MPP7: variants seen among roughly 807,000 people sequenced by gnomAD.
MPP7 encodes MAGUK p55 subfamily member 7.
A neutral mutation model predicts 76.5 loss-of-function variants in MPP7; 60 were observed. That is an observed-to-expected ratio of 0.78 (90% CI 0.64 to 0.97). The LOEUF (loss-of-function observed/expected upper bound fraction) is 0.97. MPP7 is among the 50% of genes least tolerant of loss of function. MPP7 has a pLI of 0.00. For missense variants in MPP7, 641 were observed against 694.0 expected (o/e 0.92, Z 0.86); for synonymous variants, 237 against 244.5 (o/e 0.97, Z 0.29).
chr10:28,114,525 T>C (rs1588791689), intron 11 of MPP7, among the ~76,000 whole-genome samples: 1 of 152,128 alleles, frequency 6.6e-6, no homozygotes, highest in East Asian at 1.9e-4. Context: ...CACTGGGCAG[T>C]AGTAAACGTC....
intron 5 of MPP7, among the ~76,000 whole-genome samples, chr10:28,146,127 A>G (rs958886309): frequency 1.3e-5 from 2 of 152,216 alleles, no homozygotes; most frequent in African/African-American, 4.8e-5. Context: ...GGTGCAGTCT[A>G]AGACCAAATG....
chr10:28,089,669 AC>A lies in MPP7; in HGVS notation c.1123+1del. The stretch of plus-strand genomic sequence containing the variant: ...GAATTACTCACAGAAACAAGCACTT[AC>A]CAACCAAGACAACGAGTCTGTATTT... On this transcript the variant is annotated splice_donor_variant, in intron 12 of 16. Transcript: ENST00000683449. LOFTEE classifies it high-confidence loss of function. 1 of 1,610,896 alleles carries A rather than the reference AC, an allele frequency of 6.2e-7. No homozygotes were observed. Among genetic ancestry groups the A allele is most frequent in the Non-Finnish European group, 8.5e-7 (1 of 1,178,852 alleles).
chr10:28,143,062 T>C (rs1835576276), intron 5 of MPP7, among the ~76,000 whole-genome samples: 1 of 152,160 alleles, frequency 6.6e-6, no homozygotes, highest in Non-Finnish European at 1.5e-5. Flanking sequence ...GGTAATTTTG[T>C]TGACACAAAG....
upstream of MPP7, among the ~76,000 whole-genome samples, chr10:28,304,773 A>G (rs1332316686): frequency 1.3e-5 from 2 of 152,212 alleles, no homozygotes; most frequent in Admixed American, 6.5e-5. Context: ...CTGAAATTCC[A>G]TCACTAACAT....
chr10:28,157,898 C>T (rs1403840758), intron 3 of MPP7, among the ~76,000 whole-genome samples: 3 of 152,136 alleles, frequency 2.0e-5, no homozygotes, highest in Non-Finnish European at 4.4e-5. Context: ...GTTCACTATC[C>T]TTATCAGACT....
intron 11 of MPP7, among the ~76,000 whole-genome samples, chr10:28,112,495 T>G (rs1015355261): frequency 3.3e-5 from 5 of 152,196 alleles, no homozygotes; most frequent in Non-Finnish European, 7.4e-5. Context: ...TTTAATAAAA[T>G]TTCATGAATA....
At chr10:28,109,597 G>A (rs556928665) in intron 11 of MPP7, among the ~76,000 whole-genome samples, 43 of 151,972 alleles carry the variant, frequency 2.8e-4, no homozygotes, top group African/African-American at 9.9e-4. Context: ...CCTGTGTAAC[G>A]TGAAGGTGCA....
chr10:28,087,085 T>C (rs963546173), intron 12 of MPP7, among the ~76,000 whole-genome samples: 3 of 152,184 alleles, frequency 2.0e-5, no homozygotes, highest in Non-Finnish European at 2.9e-5. Flanking sequence ...AGATCCCTCA[T>C]GAATAGATTA....
intron 12 of MPP7, among the ~76,000 whole-genome samples, chr10:28,072,248 T>C (rs1348890501): frequency 6.6e-6 from 1 of 152,162 alleles, no homozygotes; most frequent in South Asian, 2.1e-4. Flanking sequence ...CACTCCAGCT[T>C]GGGCGACAGA....
At chr10:28,102,809 T>A (rs1474153265) in intron 11 of MPP7, among the ~76,000 whole-genome samples, 1 of 152,196 alleles carries the variant, frequency 6.6e-6, no homozygotes, top group Non-Finnish European at 1.5e-5. Context: ...CCAGCCACCA[T>A]CATCATCTGC....
At chr10:28,151,991 T>TA (rs1835899110) in intron 3 of MPP7, among the ~76,000 whole-genome samples, 1 of 152,220 alleles carries the variant, frequency 6.6e-6, no homozygotes, top group South Asian at 2.1e-4. Flanking sequence ...CTCCATCCCT[T>TA]ATATTTTCTT....
chr10:28,310,142 C>T (rs1489955808), intron 2 of MPP7, among the ~76,000 whole-genome samples: 2 of 151,610 alleles, frequency 1.3e-5, no homozygotes, highest in Admixed American at 6.6e-5. Context: ...GCTAGGATTA[C>T]AGGCACCTGC....
upstream of MPP7, chr10:28,305,450 T>C (rs907026876): frequency 1.3e-5 from 2 of 152,090 alleles, no homozygotes; most frequent in African/African-American, 4.8e-5. Flanking sequence ...CAGGAATGGA[T>C]CTAGGAAGAA....
chr10:28,331,387 T>C (rs1378256591), intron 1 of MPP7, among the ~76,000 whole-genome samples: 4 of 152,148 alleles, frequency 2.6e-5, no homozygotes, highest in African/African-American at 9.7e-5. Flanking sequence ...TAAGTAATTA[T>C]AAGTATGAAT....
intron 3 of MPP7, among the ~76,000 whole-genome samples, chr10:28,175,669 A>G (rs1183677158): frequency 6.6e-6 from 1 of 152,196 alleles, no homozygotes; most frequent in Non-Finnish European, 1.5e-5. Flanking sequence ...CTGAAGAAGT[A>G]TGATACTTAA....
intron 3 of MPP7, among the ~76,000 whole-genome samples, chr10:28,197,546 C>T (rs758344399): frequency 2.6e-5 from 4 of 152,110 alleles, no homozygotes; most frequent in Non-Finnish European, 5.9e-5. Flanking sequence ...CTCCATGAAC[C>T]GCCCCCTCTG....
upstream of MPP7, among the ~76,000 whole-genome samples, chr10:28,308,022 A>G (rs946507181): frequency 1.3e-5 from 2 of 152,154 alleles, no homozygotes; most frequent in Non-Finnish European, 2.9e-5. Flanking sequence ...GACCTGAGCA[A>G]TGCAATTTTC....
At chr10:28,121,624 ATTG>A (rs1184877867) in intron 8 of MPP7, among the ~76,000 whole-genome samples, 2 of 152,188 alleles carry the variant, frequency 1.3e-5, no homozygotes, top group East Asian at 3.9e-4. Flanking sequence ...TTTACCATGT[ATTG>A]TAGCCATATT....
intron 2 of MPP7, among the ~76,000 whole-genome samples, chr10:28,218,052 G>A (rs1838372669): frequency 6.6e-6 from 1 of 152,178 alleles, no homozygotes. Flanking sequence ...TGAAAATAAC[G>A]ATGTGTAATG....
Sources: gnomAD v4.1 joint callset for allele counts (sites outside exome capture counted in the v4.1 genomes callset) on GRCh38, gnomAD v4.1.1 for gene constraint, MANE v1.5 for transcripts, NCBI Gene and HGNC (gene_info 2026-07-23, HGNC 2026-07-21) for gene names.